The following TTC28 variants were observed in gnomAD, a reference collection of about 807,000 sequenced individuals.
TTC28 encodes tetratricopeptide repeat protein 28.
In TTC28, 61 loss-of-function variants were observed where a neutral mutation model predicts 198.0. The ratio of observed to expected loss-of-function variants is 0.31; its 90% confidence interval spans 0.25 to 0.38. The LOEUF is 0.38. TTC28 is among the 10% of genes least tolerant of loss of function. The pLI, the probability that TTC28 is intolerant of heterozygous loss-of-function variation, is 1.00. For synonymous variants in TTC28, 1,171 were observed against 1,297.8 expected (o/e 0.90, Z 2.10); for missense variants, 2,678 against 3,164.0 (o/e 0.85, Z 3.69).
chr22:28,330,375 C>G (rs1167550115), intron 2 of TTC28, among the ~76,000 whole-genome samples: 4 of 152,172 alleles, frequency 2.6e-5, no homozygotes, highest in African/African-American at 9.6e-5. Context: ...ACAACTGGGG[C>G]CTCGATTGGC....
Position 28,477,424 on chromosome 22 carries a change from A to G in TTC28, c.381+152128T>C, listed in dbSNP as rs562673939. 2.3e-4 allele frequency among the ~76,000 whole-genome samples: 35 copies of G among 152,170 alleles called. 1 individual carries two copies. Among genetic ancestry groups the G allele is most frequent in the Non-Finnish European group, 4.9e-4 (33 of 68,022 alleles). Reference sequence around the variant, plus strand: ...CCCTCCAAATTTCACTTATCACTCTATCCCTCATTAACACATTCCAGCCAC... The same window carrying G: ...CCCTCCAAATTTCACTTATCACTCTGTCCCTCATTAACACATTCCAGCCAC... On this transcript the variant is annotated intron_variant, in intron 2 of 22. Coordinates refer to ENST00000397906, the MANE Select transcript of TTC28 (RefSeq NM_001145418.2).
chr22:28,671,131 G>C (rs1196989079), intron 1 of TTC28, among the ~76,000 whole-genome samples: 1 of 151,808 alleles, frequency 6.6e-6, no homozygotes, highest in Non-Finnish European at 1.5e-5. Flanking sequence ...TTTTTGTAGA[G>C]AAGAGGTGTT....
intron 2 of TTC28, among the ~76,000 whole-genome samples, chr22:28,530,784 C>G (rs892533030): frequency 6.6e-6 from 1 of 152,136 alleles, no homozygotes; most frequent in Non-Finnish European, 1.5e-5. Context: ...AATTTTCAAC[C>G]AAGAATTTCA....
At position 27,999,089 on chromosome 22, in the gene TTC28, C is replaced by T. The variant is rs1937605460; in HGVS notation, c.4570G>A (p.Val1524Met). ...VSELLGCQPL[V>M]GSVATKERVM... ...CTCTCCTTGGTGGCCACACTGCCCA[C>T]TAGGGGCTGGCAGCCCAGCAGCTCG... The change falls in exon 16 of 23, where the codon GTG (valine) becomes ATG (methionine). Residue 1524 changes from valine (V) to methionine (M), a missense_variant. Coordinates refer to ENST00000397906, the MANE Select transcript of TTC28 (RefSeq NM_001145418.2). The T allele has an allele frequency of 6.4e-7, 1 of 1,550,660 alleles. No homozygotes were observed. The highest frequency in any genetic ancestry group is 2.4e-5 in the East Asian group (1 of 40,918).
At chr22:28,449,926 T>C (rs2047755569) in intron 2 of TTC28, among the ~76,000 whole-genome samples, 1 of 152,078 alleles carries the variant, frequency 6.6e-6, no homozygotes, top group South Asian at 2.1e-4. Context: ...GATCCCCAAA[T>C]GTTTCACCAT....
intron 13 of TTC28, among the ~76,000 whole-genome samples, chr22:28,018,802 G>A (rs1015635053): frequency 6.6e-6 from 1 of 152,180 alleles, no homozygotes; most frequent in Non-Finnish European, 1.5e-5. Flanking sequence ...CGCATGGTGG[G>A]AGGGTGTCAA....
intron 1 of TTC28, among the ~76,000 whole-genome samples, chr22:28,633,321 T>A (rs1458460597): frequency 6.6e-6 from 1 of 150,842 alleles, no homozygotes. Context: ...GAAAAAAAAT[T>A]TTTTTTTCAA....
chr22:28,376,948 C>T (rs1273064471), intron 2 of TTC28, among the ~76,000 whole-genome samples: 1 of 152,002 alleles, frequency 6.6e-6, no homozygotes, highest in Non-Finnish European at 1.5e-5. Context: ...CAGGAATGGT[C>T]TTCTCACAAG....
At chr22:28,239,061 T>C (rs1374969011) in intron 5 of TTC28, among the ~76,000 whole-genome samples, 1 of 152,192 alleles carries the variant, frequency 6.6e-6, no homozygotes. Context: ...CTGTCAGGGA[T>C]CACAGTTCTG....
At chr22:28,010,148 C>G (rs1601513494) in intron 14 of TTC28, among the ~76,000 whole-genome samples, 1 of 152,332 alleles carries the variant, frequency 6.6e-6, no homozygotes, top group East Asian at 1.9e-4. Flanking sequence ...ACACAACCAG[C>G]TCTGAAGGGC....
At chr22:28,208,500 C>T (rs910199276) in intron 5 of TTC28, among the ~76,000 whole-genome samples, 5 of 152,214 alleles carry the variant, frequency 3.3e-5, no homozygotes, top group South Asian at 2.1e-4. Flanking sequence ...CTTTTCCTGA[C>T]GTGAGCCAGA....
At chr22:28,088,826 A>G (rs1295342728) in intron 12 of TTC28, among the ~76,000 whole-genome samples, 4 of 152,240 alleles carry the variant, frequency 2.6e-5, no homozygotes, top group Admixed American at 2.6e-4. Flanking sequence ...AGAAAAAAAC[A>G]AACAACCTCA....
At chr22:28,334,631 T>C (rs986369085) in intron 2 of TTC28, among the ~76,000 whole-genome samples, 2 of 152,216 alleles carry the variant, frequency 1.3e-5, no homozygotes, top group Admixed American at 6.5e-5. Context: ...CATGTGTCTT[T>C]TGGCTGCATA....
At chr22:28,472,109 A>G (rs2048103325) in intron 2 of TTC28, among the ~76,000 whole-genome samples, 1 of 152,190 alleles carries the variant, frequency 6.6e-6, no homozygotes, top group South Asian at 2.1e-4. Context: ...CCATACACTA[A>G]TCAAACTAAG....
At chr22:28,161,893 GGGAA>G (rs1282710796) in intron 6 of TTC28, among the ~76,000 whole-genome samples, 2 of 83,582 alleles carry the variant, frequency 2.4e-5, no homozygotes, top group Non-Finnish European at 5.3e-5. Context: ...AAGGGATGAA[GGGAA>G]GGAAGGAGGG....
chr22:28,291,029 GGA>G (rs2044779262), intron 5 of TTC28, among the ~76,000 whole-genome samples: 1 of 106,398 alleles, frequency 9.4e-6, no homozygotes, highest in South Asian at 3.0e-4. Context: ...AAGAATAAAT[GGA>G]GAGACAGACC....
intron 2 of TTC28, among the ~76,000 whole-genome samples, chr22:28,379,857 A>G (rs13054508): frequency 0.058 from 8,848 of 152,154 alleles, 399 homozygotes; most frequent in African/African-American, 0.12. Context: ...CACTACAAGA[A>G]ATGTTACAGA....
chr22:28,491,295 A>G (rs2048373288), intron 2 of TTC28, among the ~76,000 whole-genome samples: 1 of 152,244 alleles, frequency 6.6e-6, no homozygotes, highest in African/African-American at 2.4e-5. Context: ...TGCACAGCAA[A>G]AGAAACCACC....
At chr22:28,261,173 C>T (rs28379367) in intron 5 of TTC28, among the ~76,000 whole-genome samples, 101 of 152,222 alleles carry the variant, frequency 6.6e-4, no homozygotes, top group African/African-American at 2.1e-3. Flanking sequence ...AGTTATAGAG[C>T]GCCTACTATG....
Sources: allele counts gnomAD v4.1 joint callset (sites outside exome capture counted in the v4.1 genomes callset), GRCh38; gene constraint gnomAD v4.1.1; transcripts MANE v1.5; gene names NCBI Gene and HGNC (gene_info 2026-07-23, HGNC 2026-07-21).